Variants in RABGAP1L observed in about 807,000 individuals in gnomAD.
RABGAP1L encodes RAB GTPase activating protein 1 like, also known as rab GTPase-activating protein 1-like.
Under a neutral mutation model 137.7 loss-of-function variants are expected in RABGAP1L, and 63 were observed. The ratio of observed to expected loss-of-function variants is 0.46; its 90% CI spans 0.37 to 0.56. The LOEUF is 0.56. Ranked by LOEUF, RABGAP1L falls within the 20% of genes least tolerant of loss-of-function variation. The pLI is 0.00. For synonymous variants in RABGAP1L, 431 were observed against 433.7 expected (o/e 0.99, Z 0.08); for missense variants, 1,095 against 1,244.0 (o/e 0.88, Z 1.80).
chr1:174,497,170 A>G (rs548340750), intron 13 of RABGAP1L, among the ~76,000 whole-genome samples: 1 of 152,340 alleles, frequency 6.6e-6, no homozygotes, highest in African/African-American at 2.4e-5. Context: ...TTGTGTGAGT[A>G]TATAGCAACT....
chr1:174,979,185 T>TA (rs772760887), intron 23 of RABGAP1L, among the ~76,000 whole-genome samples: 35 of 152,216 alleles, frequency 2.3e-4, no homozygotes, highest in Non-Finnish European at 4.1e-4. Flanking sequence ...ACCCTGTCTC[T>TA]AAAAAAATAA....
chr1:174,321,927 C>T (rs1441009295), intron 11 of RABGAP1L, among the ~76,000 whole-genome samples: 1 of 152,096 alleles, frequency 6.6e-6, no homozygotes, highest in Non-Finnish European at 1.5e-5. Flanking sequence ...ATATGTTGCT[C>T]ATTTGTAAAT....
chr1:174,243,381 C>A (rs1006636337), intron 5 of RABGAP1L, among the ~76,000 whole-genome samples: 1 of 152,010 alleles, frequency 6.6e-6, no homozygotes, highest in Admixed American at 6.6e-5. Flanking sequence ...AAAGTTATCT[C>A]CATCTATTAT....
chr1:174,291,755 T>A (rs1030484224), intron 10 of RABGAP1L, among the ~76,000 whole-genome samples: 1 of 152,046 alleles, frequency 6.6e-6, no homozygotes, highest in Non-Finnish European at 1.5e-5. Context: ...CTATTTTTTT[T>A]AAACATCTAT....
At chr1:174,681,007 C>G (rs1678024020) in intron 14 of RABGAP1L, among the ~76,000 whole-genome samples, 1 of 152,102 alleles carries the variant, frequency 6.6e-6, no homozygotes, top group South Asian at 2.1e-4. Flanking sequence ...CATTAGCCAC[C>G]AGGGAAATGA....
rs187823530 is a variant in RABGAP1L, at chr1:174,834,841, A to G, written c.2340+22881A>G. On this transcript the variant is annotated intron_variant, in intron 19 of 25. Coordinates refer to ENST00000681986, the MANE Select transcript of RABGAP1L (RefSeq NM_001366446.1). ...TTTTTCAAAAAAGTAAAAGGCTGGT[A>G]CACATAGAACAAAATAAGTGCTGGA... 3.0e-4 allele frequency among the ~76,000 whole-genome samples: 45 copies of G among 152,326 alleles called. 1 individual carries two copies. In the East Asian group the frequency reaches 8.7e-3, roughly 29 times the overall value.
intron 19 of RABGAP1L, among the ~76,000 whole-genome samples, chr1:174,812,915 G>A (rs533596657): frequency 6.6e-6 from 1 of 152,310 alleles, no homozygotes; most frequent in Admixed American, 6.5e-5. Flanking sequence ...CAAAGGTCCA[G>A]AGACTGCCTC....
chr1:174,453,855 A>T (rs909710455), intron 13 of RABGAP1L, among the ~76,000 whole-genome samples: 23 of 152,174 alleles, frequency 1.5e-4, no homozygotes, highest in Admixed American at 3.3e-4. Context: ...GTGTTTTTTT[A>T]AAATATTAAC....
At position 174,797,476 on chromosome 1, in the gene RABGAP1L, G is replaced by A. The variant is rs150504162; in HGVS notation, c.2212-14356G>A. On this transcript the variant is annotated intron_variant, in intron 18 of 25. Coordinates refer to ENST00000681986, the MANE Select transcript of RABGAP1L (RefSeq NM_001366446.1). ...GTGTGTGTGTCTAAATGTGCGTGGT[G>A]TTGGGGGGGTGTGTGTGTGTGGTGT... Among the ~76,000 whole-genome samples the A allele has an allele frequency of 7.0e-4, 105 of 149,592 alleles. 2 individuals carry two copies. In the East Asian group the frequency reaches 0.02, roughly 29 times the overall value.
At chr1:174,395,829 C>A (rs542153698) in intron 13 of RABGAP1L, among the ~76,000 whole-genome samples, 10 of 132,956 alleles carry the variant, frequency 7.5e-5, no homozygotes, top group East Asian at 6.1e-4. Flanking sequence ...CATAGCAAGA[C>A]CCTGTCTCTA....
chr1:174,942,528 C>G (rs914244522), intron 19 of RABGAP1L, among the ~76,000 whole-genome samples: 1 of 152,082 alleles, frequency 6.6e-6, no homozygotes, highest in Non-Finnish European at 1.5e-5. Flanking sequence ...CAAATTAATC[C>G]CCACTTTACT....
intron 11 of RABGAP1L, among the ~76,000 whole-genome samples, chr1:174,311,807 G>A (rs1051474615): frequency 1.3e-5 from 2 of 152,024 alleles, no homozygotes; most frequent in South Asian, 2.1e-4. Flanking sequence ...GGGTTTCGCC[G>A]TGTTGGCCAG....
At chr1:174,681,661 A>G (rs183974598) in intron 14 of RABGAP1L, among the ~76,000 whole-genome samples, 2 of 152,200 alleles carry the variant, frequency 1.3e-5, no homozygotes, top group Admixed American at 6.5e-5. Context: ...GAACTGTACA[A>G]TTAAAATGTA....
intron 13 of RABGAP1L, among the ~76,000 whole-genome samples, chr1:174,583,805 C>A (rs1487299888): frequency 6.6e-6 from 1 of 152,120 alleles, no homozygotes; most frequent in African/African-American, 2.4e-5. Context: ...CTTAATAATA[C>A]CTTACTATGT....
chr1:174,204,378 A>C (rs972427361), intron 1 of RABGAP1L, among the ~76,000 whole-genome samples: 1 of 151,820 alleles, frequency 6.6e-6, no homozygotes, highest in Non-Finnish European at 1.5e-5. Flanking sequence ...TTTGACTTCT[A>C]CTCTTTCTGT....
At chr1:174,660,323 C>A (rs1676280240) in intron 14 of RABGAP1L, among the ~76,000 whole-genome samples, 1 of 152,150 alleles carries the variant, frequency 6.6e-6, no homozygotes, top group Admixed American at 6.5e-5. Context: ...TGTGAGGGCT[C>A]CTGTTCTTCA....
At chr1:174,228,578 A>C (rs1181421199) in intron 3 of RABGAP1L, among the ~76,000 whole-genome samples, 1 of 152,182 alleles carries the variant, frequency 6.6e-6, no homozygotes, top group South Asian at 2.1e-4. Flanking sequence ...TTTGAAATAC[A>C]TTATATTGAA....
chr1:174,504,856 C>G (rs866037140), intron 13 of RABGAP1L, among the ~76,000 whole-genome samples: 49 of 152,136 alleles, frequency 3.2e-4, no homozygotes, highest in African/African-American at 1.2e-3. Context: ...GCAACAGAAG[C>G]AAAGGTAGAC....
At chr1:174,479,996 T>C (rs2149328216) in intron 13 of RABGAP1L, among the ~76,000 whole-genome samples, 1 of 152,338 alleles carries the variant, frequency 6.6e-6, no homozygotes, top group Admixed American at 6.5e-5. Context: ...TTGGTTCTCA[T>C]GTTTTTTGTT....
Sources: gnomAD v4.1 joint callset for allele counts (sites outside exome capture counted in the v4.1 genomes callset) on GRCh38, gnomAD v4.1.1 for gene constraint, MANE v1.5 for transcripts, NCBI Gene and HGNC (gene_info 2026-07-23, HGNC 2026-07-21) for gene names.